Variants in MACROD2 observed in about 807,000 individuals in gnomAD.
MACROD2 encodes ADP-ribose glycohydrolase MACROD2.
In MACROD2, 36 loss-of-function variants were observed where a neutral mutation model predicts 70.4. The observed-to-expected ratio is 0.51, with a 90% CI of 0.39 to 0.68. The LOEUF (loss-of-function observed/expected upper bound fraction) is 0.68, where lower values mean the gene tolerates loss of function less well. Ranked by LOEUF, MACROD2 falls within the 30% of genes least tolerant of loss-of-function variation. MACROD2 has a pLI of 0.00. For synonymous variants in MACROD2, 172 were observed against 178.8 expected, an observed-to-expected ratio of 0.96 and a Z score of 0.30; for missense variants, 496 against 538.4, an observed-to-expected ratio of 0.92 and a Z score of 0.78.
At chr20:15,765,157 C>T (rs1048991154) in intron 8 of MACROD2, among the ~76,000 whole-genome samples, 2 of 152,170 alleles carry the variant, frequency 1.3e-5, no homozygotes, top group Non-Finnish European at 2.9e-5. Context: ...TACCCCTTGG[C>T]CTTCATTGCA....
chr20:15,528,222 C>T lies in MACROD2; in HGVS notation c.645+28375C>T, dbSNP rs189123093. ...TGATCTTGGCTCACTGTAACCTCCA[C>T]CTCCCGGGCTCAAACAATTCTCCTG... On this transcript the variant is annotated intron_variant, in intron 8 of 17. Transcript: ENST00000684519. Among the ~76,000 whole-genome samples the T allele has an allele frequency of 3.9e-3, 598 of 152,284 alleles. 1 individual carries two copies. The highest frequency in any genetic ancestry group is 0.011 in the African/African-American group (472 of 41,540).
At chr20:15,054,869 C>T (rs1011029866) in intron 5 of MACROD2, among the ~76,000 whole-genome samples, 20 of 151,884 alleles carry the variant, frequency 1.3e-4, no homozygotes, top group African/African-American at 4.8e-5. Flanking sequence ...CTGCAACCTC[C>T]GTCTCCAGGT....
chr20:14,928,927 C>T (rs1242915582), intron 5 of MACROD2, among the ~76,000 whole-genome samples: 1 of 152,108 alleles, frequency 6.6e-6, no homozygotes, highest in Non-Finnish European at 1.5e-5. Context: ...CTGCAGTCAG[C>T]CATATTTGTT....
At chr20:15,292,310 T>C (rs2077547792) in intron 6 of MACROD2, among the ~76,000 whole-genome samples, 1 of 152,190 alleles carries the variant, frequency 6.6e-6, no homozygotes, top group Admixed American at 6.5e-5. Flanking sequence ...AAAGGGATGA[T>C]ATTAATGGCC....
chr20:15,385,339 C>T (rs1394255687), intron 6 of MACROD2, among the ~76,000 whole-genome samples: 1 of 152,138 alleles, frequency 6.6e-6, no homozygotes, highest in Non-Finnish European at 1.5e-5. Flanking sequence ...AAGCATTCTC[C>T]TGCAAATGTA....
chr20:14,726,040 G>C (rs2071526264), intron 5 of MACROD2, among the ~76,000 whole-genome samples: 1 of 151,976 alleles, frequency 6.6e-6, no homozygotes, highest in African/African-American at 2.4e-5. Flanking sequence ...AGGAACAAAG[G>C]AAATTCCAAT....
At chr20:14,678,531 A>G (rs1224950319) in intron 4 of MACROD2, among the ~76,000 whole-genome samples, 1 of 152,080 alleles carries the variant, frequency 6.6e-6, no homozygotes, top group Non-Finnish European at 1.5e-5. Flanking sequence ...AGAAGATTGT[A>G]TTCCACTTTT....
At chr20:14,379,460 T>G (rs1049983608) in intron 3 of MACROD2, among the ~76,000 whole-genome samples, 1 of 152,212 alleles carries the variant, frequency 6.6e-6, no homozygotes, top group Non-Finnish European at 1.5e-5. Context: ...AAGAAATATA[T>G]AAATAAAATG....
intron 8 of MACROD2, among the ~76,000 whole-genome samples, chr20:15,745,316 G>A (rs2051166231): frequency 6.6e-6 from 1 of 152,050 alleles, no homozygotes. Flanking sequence ...CTACATTTTG[G>A]CAACCTGGTG....
rs1178846767 is a variant in MACROD2, at chr20:15,636,071, C to CAAAAAAAAAA, written c.645+136228_645+136229insAAAAAAAAAA. Among the ~76,000 whole-genome samples, 141 of 27,848 alleles carry CAAAAAAAAAA rather than the reference C, an allele frequency of 5.1e-3. 1 individual carries two copies. The highest frequency in any genetic ancestry group is 0.012 in the South Asian group (6 of 516). 18.3% of individuals were successfully genotyped at this position (27,848 alleles called of 152,430 possible). On this transcript the variant is annotated intron_variant, in intron 8 of 17. Coordinates refer to ENST00000684519, the MANE Select transcript of MACROD2 (RefSeq NM_001351661.2). ...TGGGCGACAGAGCGAGGCTCCCTCTCAAAAGAAAAAAAAAAAAAAAAGAAA... is the reference window on the plus strand; with the variant it reads ...TGGGCGACAGAGCGAGGCTCCCTCTCAAAAAAAAAAAAAAGAAAAAAAAAAAAAAAAGAAA...
At chr20:15,660,670 T>C (rs1001464340) in intron 8 of MACROD2, among the ~76,000 whole-genome samples, 2 of 152,156 alleles carry the variant, frequency 1.3e-5, no homozygotes, top group African/African-American at 4.8e-5. Context: ...GGAAAATAGA[T>C]GCTAAAATGT....
At chr20:14,173,523 TA>T (rs1220611708) in intron 3 of MACROD2, among the ~76,000 whole-genome samples, 1 of 152,170 alleles carries the variant, frequency 6.6e-6, no homozygotes, top group East Asian at 1.9e-4. Flanking sequence ...TCAGATCTTG[TA>T]TTATTTTTAA....
intron 15 of MACROD2, among the ~76,000 whole-genome samples, chr20:15,992,027 A>G (rs930375545): frequency 1.4e-4 from 21 of 152,204 alleles, no homozygotes; most frequent in African/African-American, 4.8e-4. Context: ...TGCATAACTG[A>G]CCTATAATTT....
At chr20:14,983,805 A>G (rs779507180) in intron 5 of MACROD2, among the ~76,000 whole-genome samples, 33 of 152,242 alleles carry the variant, frequency 2.2e-4, no homozygotes, top group Non-Finnish European at 3.5e-4. Context: ...TGTGTTTTAA[A>G]TAAATAAAGG....
At chr20:14,003,245 G>C (rs1035327270) in intron 2 of MACROD2, among the ~76,000 whole-genome samples, 8 of 152,178 alleles carry the variant, frequency 5.3e-5, no homozygotes, top group Admixed American at 3.9e-4. Flanking sequence ...AATTCCTATG[G>C]ATAAAATCTG....
At position 14,569,783 on chromosome 20, in the gene MACROD2, C is replaced by G. The variant is rs185813306; in HGVS notation, c.301+76275C>G. Among the ~76,000 whole-genome samples, 7 of 151,682 alleles carry G rather than the reference C, an allele frequency of 4.6e-5. No homozygotes were observed. The South Asian group carries it at 8.3e-4, about 18-fold the overall frequency. ...CCCGGGACTAGCATAGACTGTGAAGCGTAGAGCTGTGAAAGAATTTGGATC... is the reference window on the plus strand; with the variant it reads ...CCCGGGACTAGCATAGACTGTGAAGGGTAGAGCTGTGAAAGAATTTGGATC... On this transcript the variant is annotated intron_variant, in intron 4 of 17. Coordinates refer to ENST00000684519, the MANE Select transcript of MACROD2 (RefSeq NM_001351661.2).
chr20:14,543,810 C>T (rs1035332609), intron 4 of MACROD2, among the ~76,000 whole-genome samples: 3 of 152,156 alleles, frequency 2.0e-5, no homozygotes, highest in Admixed American at 2.0e-4. Flanking sequence ...GTAGATAATA[C>T]TTAGGGAAGA....
intron 5 of MACROD2, among the ~76,000 whole-genome samples, chr20:15,156,526 A>G (rs17700518): frequency 0.2 from 30,296 of 151,998 alleles, 4,153 homozygotes; most frequent in Non-Finnish European, 0.3. Flanking sequence ...AATTTAAGAC[A>G]CTCTCTGATA....
chr20:14,873,541 A>C (rs890177715), intron 5 of MACROD2, among the ~76,000 whole-genome samples: 1 of 152,116 alleles, frequency 6.6e-6, no homozygotes, highest in East Asian at 1.9e-4. Context: ...TTAATGCATA[A>C]ACATGTAAAT....
Sources: gnomAD v4.1 joint callset for allele counts (sites outside exome capture counted in the v4.1 genomes callset) on GRCh38, gnomAD v4.1.1 for gene constraint, MANE v1.5 for transcripts, NCBI Gene and HGNC (gene_info 2026-07-23, HGNC 2026-07-21) for gene names.